SEMA5A: variants seen among roughly 807,000 people sequenced by gnomAD.
SEMA5A encodes semaphorin 5A.
Under a neutral mutation model 135.5 loss-of-function variants are expected in SEMA5A, and 55 were observed. That is an observed-to-expected ratio of 0.41 (90% CI 0.33 to 0.51). The LOEUF is 0.51. SEMA5A is among the 20% of genes least tolerant of loss of function. The pLI, the probability that SEMA5A is intolerant of heterozygous loss-of-function variation, is 0.37. For synonymous variants in SEMA5A, 580 were observed against 546.5 expected, an observed-to-expected ratio of 1.06 and a Z score of -0.85; for missense variants, 1,290 against 1,419.9, an observed-to-expected ratio of 0.91 and a Z score of 1.47.
intron 18 of SEMA5A, among the ~76,000 whole-genome samples, chr5:9,060,644 G>C (rs115503572): frequency 0.019 from 2,895 of 152,222 alleles, 93 homozygotes; most frequent in African/African-American, 0.066. Context: ...GTGGGCAGAG[G>C]AGGAGTCTCC....
chr5:9,166,726 G>A (rs952164367), intron 11 of SEMA5A, among the ~76,000 whole-genome samples: 1 of 152,148 alleles, frequency 6.6e-6, no homozygotes. Flanking sequence ...TGCATTTCCT[G>A]TGAATAAAAA....
chr5:9,169,865 C>T (rs1326014751), intron 11 of SEMA5A, among the ~76,000 whole-genome samples: 1 of 152,192 alleles, frequency 6.6e-6, no homozygotes, highest in African/African-American at 2.4e-5. Flanking sequence ...TTCATTTGCT[C>T]ATTAGGTGAA....
intron 14 of SEMA5A, 40 bp from the exon 15 acceptor site, chr5:9,119,181 G>T (rs765266992): frequency 6.2e-7 from 1 of 1,601,420 alleles, no homozygotes; most frequent in South Asian, 1.1e-5. Context: ...GGTCCCGCAG[G>T]CTCAGAGTCC....
At chr5:9,055,879 TAAA>T (rs11291379) in intron 18 of SEMA5A, among the ~76,000 whole-genome samples, 3 of 147,174 alleles carry the variant, frequency 2.0e-5, no homozygotes, top group Non-Finnish European at 1.5e-5. Flanking sequence ...CTTTAAAAAT[TAAA>T]AAAAAAAAAA....
chr5:9,137,976 T>C (rs879656564), intron 12 of SEMA5A, among the ~76,000 whole-genome samples: 1 of 152,104 alleles, frequency 6.6e-6, no homozygotes, highest in African/African-American at 2.4e-5. Context: ...AAAGATCGAT[T>C]TGAAGGCTGT....
At chr5:9,464,825 C>A (rs1187633215) in intron 1 of SEMA5A, among the ~76,000 whole-genome samples, 3 of 152,224 alleles carry the variant, frequency 2.0e-5, no homozygotes, top group Non-Finnish European at 4.4e-5. Flanking sequence ...GATCCTTAGT[C>A]CTAAAGCACT....
Position 9,201,986 on chromosome 5 carries a change from C to A in SEMA5A, c.901G>T (p.Asp301Tyr). 2 of 1,614,152 alleles carry A rather than the reference C, an allele frequency of 1.2e-6. No homozygotes were observed. Among genetic ancestry groups the A allele is most frequent in the Non-Finnish European group, 8.5e-7 (1 of 1,180,010 alleles). Residue 301 changes from aspartate (D) to tyrosine (Y), a missense_variant, in exon 9 of 23, where the codon GAT becomes TAT. Around this residue, in one of 3 missense-constraint regions of SEMA5A, gnomAD observed 1,029 missense variants for 1,086.6 expected, o/e 0.95. Coordinates refer to ENST00000382496, the MANE Select transcript of SEMA5A (RefSeq NM_003966.3). ...LQSTFFLPEL[D>Y]LIYGIFTTNV... ...GTGGTAAAGATGCCATAGATCAAAT[C>A]CAGCTCAGGCAGGAAGAAAGTACTC...
intron 12 of SEMA5A, among the ~76,000 whole-genome samples, chr5:9,147,177 T>C (rs1034695645): frequency 6.6e-5 from 10 of 152,230 alleles, no homozygotes; most frequent in African/African-American, 2.4e-4. Context: ...TCCATACTAA[T>C]TTTTTGATGA....
chr5:9,376,761 G>C (rs1042136836), intron 3 of SEMA5A, among the ~76,000 whole-genome samples: 1 of 152,056 alleles, frequency 6.6e-6, no homozygotes, highest in African/African-American at 2.4e-5. Flanking sequence ...CACTGAGTTT[G>C]GTCCAAATCC....
In SEMA5A at chr5:9,063,060, G is replaced by A. The variant is rs763496362; in HGVS notation, c.2345C>T (p.Thr782Met). The A allele has an allele frequency of 2.4e-5, 39 of 1,614,178 alleles. No homozygotes were observed. The East Asian group carries it at 3.8e-4, about 16-fold the overall frequency. The change falls in exon 18 of 23, where the codon ACG (threonine) becomes ATG (methionine). Residue 782 changes from threonine (T) to methionine (M), a missense_variant. Around this residue, in one of 3 missense-constraint regions of SEMA5A, gnomAD observed 1,029 missense variants for 1,086.6 expected, o/e 0.95. Coordinates refer to ENST00000382496, the MANE Select transcript of SEMA5A (RefSeq NM_003966.3). ...CCAGGCTGACCAAGCCCCGTTGACC[G>A]TGTGGGCAGAGTATCTCCCAGCACG... ...FLRAGRYSAH[T>M]VNGAWSAWTS...
chr5:9,380,060 A>T, intron 2 of SEMA5A, 37 bp from the exon 3 acceptor site: 1 of 1,402,292 alleles, frequency 7.1e-7, no homozygotes, highest in Non-Finnish European at 9.6e-7. Context: ...GATGACTGTG[A>T]GTTCGTTTTC....
rs570676905 is a variant in SEMA5A, at chr5:9,039,698, G to T, written c.*3199C>A. 1 of 152,376 alleles carries T rather than the reference G, an allele frequency of 6.6e-6. No homozygotes were observed. Among genetic ancestry groups the T allele is most frequent in the African/African-American group, 2.4e-5 (1 of 41,560 alleles). The allele number at this position is 152,376 out of a possible 1,614,324, so 9.4% of individuals were successfully genotyped here. A position where few individuals can be genotyped will look rare whatever the true frequency, so the allele number is the denominator to read the frequency against. On this transcript the variant is annotated 3_prime_UTR_variant, in exon 23 of 23. Coordinates refer to ENST00000382496, the MANE Select transcript of SEMA5A (RefSeq NM_003966.3). ...GTTCTGGAGGGAACGCCATGAGTCT[G>T]GAGACTGTGGCTCTTCTGTGCGGTG...
chr5:9,479,545 T>C (rs1414772394), intron 1 of SEMA5A, among the ~76,000 whole-genome samples: 1 of 152,192 alleles, frequency 6.6e-6, no homozygotes, highest in Non-Finnish European at 1.5e-5. Flanking sequence ...ACATCTACCC[T>C]GTAGGAATGT....
chr5:9,353,241 A>AAAGGAAGGGAAGGG (rs1561177451), intron 3 of SEMA5A, among the ~76,000 whole-genome samples: 3 of 95,218 alleles, frequency 3.2e-5, no homozygotes, highest in South Asian at 3.7e-4. Flanking sequence ...GAAAGGAAGG[A>AAAGGAAGGGAAGGG]AAGGGAAGGG....
At chr5:9,506,668 C>A (rs142498847) in intron 1 of SEMA5A, among the ~76,000 whole-genome samples, 116 of 152,228 alleles carry the variant, frequency 7.6e-4, no homozygotes, top group African/African-American at 2.6e-3. Context: ...GCAAAAATTG[C>A]AAATGGACAT....
At chr5:9,506,310 A>G (rs1388488519) in intron 1 of SEMA5A, among the ~76,000 whole-genome samples, 1 of 152,200 alleles carries the variant, frequency 6.6e-6, no homozygotes, top group African/African-American at 2.4e-5. Flanking sequence ...CTGCTATGCA[A>G]TGTATTAATA....
At chr5:9,533,450 T>C (rs545459606) in intron 1 of SEMA5A, among the ~76,000 whole-genome samples, 2 of 152,336 alleles carry the variant, frequency 1.3e-5, no homozygotes, top group South Asian at 4.1e-4. Flanking sequence ...ATTTAATGTC[T>C]TTTCTCCAAG....
intron 11 of SEMA5A, among the ~76,000 whole-genome samples, chr5:9,173,968 T>C (rs969884776): frequency 6.6e-6 from 1 of 152,182 alleles, no homozygotes; most frequent in Non-Finnish European, 1.5e-5. Flanking sequence ...ATACCATACT[T>C]AAGAAACGTA....
intron 2 of SEMA5A, among the ~76,000 whole-genome samples, chr5:9,391,733 G>A (rs145660517): frequency 0.011 from 1,743 of 152,210 alleles, 17 homozygotes; most frequent in South Asian, 0.018. Flanking sequence ...AATGTGCCTT[G>A]GTGTTTTTCA....
Sources: gnomAD v4.1 joint callset for allele counts (sites outside exome capture counted in the v4.1 genomes callset) on GRCh38, gnomAD v4.1.1 for gene constraint, gnomAD v4.1.1 regional missense constraint, MANE v1.5 for transcripts, NCBI Gene and HGNC (gene_info 2026-07-23, HGNC 2026-07-21) for gene names.